LPP: variants seen among roughly 807,000 people sequenced by gnomAD.
LPP encodes the protein LIM domain containing preferred translocation partner in lipoma.
Under a neutral mutation model 60.4 loss-of-function variants are expected in LPP, and 38 were observed. That is an observed-to-expected ratio of 0.63 (90% CI 0.49 to 0.83). LPP has a LOEUF of 0.83. Among genes scored for constraint, LPP ranks in the 40% least tolerant of loss-of-function variants. The pLI, the probability that LPP is intolerant of heterozygous loss-of-function variation, is 0.00. For synonymous variants in LPP, 328 were observed against 290.8 expected (o/e 1.13, Z -1.30); for missense variants, 902 against 783.6 (o/e 1.15, Z -1.80).
At chr3:188,255,439 G>T (rs1731334207) in intron 2 of LPP, among the ~76,000 whole-genome samples, 1 of 152,100 alleles carries the variant, frequency 6.6e-6, no homozygotes, top group South Asian at 2.1e-4. Context: ...ATCATATCAA[G>T]GCATCACCTT....
In LPP at chr3:188,205,449, T is replaced by G. The variant is rs553703602; in HGVS notation, c.-189-19956T>G. On this transcript the variant is annotated intron_variant, in intron 1 of 11. Transcript: ENST00000617246. ...GGTGCACACCACCACACCCAGCTAA[T>G]TTTTGTATTTTTAGTAGAGACGGGG... Among the ~76,000 whole-genome samples the G allele has an allele frequency of 5.9e-5, 9 of 151,914 alleles. No homozygotes were observed. The South Asian group carries it at 1.3e-3, about 21-fold the overall frequency.
At chr3:188,421,689 T>C (rs1578768647) in intron 4 of LPP, among the ~76,000 whole-genome samples, 1 of 152,182 alleles carries the variant, frequency 6.6e-6, no homozygotes, top group Non-Finnish European at 1.5e-5. Flanking sequence ...TTATGGCAGC[T>C]TTTATATTGT....
In LPP at chr3:188,734,880, T is replaced by C. The variant is rs181745744; in HGVS notation, c.1241-25233T>C. ...GCATATGGTCAAGAGCCTGAGGGTA[T>C]TGAGCCCTTCTTGAAATTGGAGACA... On this transcript the variant is annotated intron_variant, in intron 8 of 11. Transcript: ENST00000617246. 5.3e-5 allele frequency among the ~76,000 whole-genome samples: 8 copies of C among 152,300 alleles called. No individual in the cohort carries two copies. The East Asian group carries it at 1.5e-3, about 29-fold the overall frequency.
At chr3:188,723,308 T>G (rs1180692087) in intron 8 of LPP, among the ~76,000 whole-genome samples, 1 of 152,204 alleles carries the variant, frequency 6.6e-6, no homozygotes, top group Non-Finnish European at 1.5e-5. Context: ...TCTGCAAGGC[T>G]GAGAGTTGCA....
chr3:188,368,991 C>T (rs1368546906), intron 3 of LPP, among the ~76,000 whole-genome samples: 3 of 152,116 alleles, frequency 2.0e-5, no homozygotes, highest in Non-Finnish European at 2.9e-5. Context: ...ATGGTGTTTA[C>T]AGTTATCGCC....
chr3:188,716,145 T>C (rs1713900228), intron 8 of LPP, among the ~76,000 whole-genome samples: 1 of 152,182 alleles, frequency 6.6e-6, no homozygotes, highest in African/African-American at 2.4e-5. Flanking sequence ...GTATTGTTAG[T>C]AGGAGTTTTT....
intron 4 of LPP, among the ~76,000 whole-genome samples, chr3:188,470,281 TAC>T (rs59656753): frequency 0.097 from 12,329 of 126,730 alleles, 557 homozygotes; most frequent in Non-Finnish European, 0.11. Context: ...CTCTCTCTCA[TAC>T]ACACACACAC....
In LPP at chr3:188,839,538, C is replaced by T. The variant is rs114236769; in HGVS notation, c.1411-26662C>T. Among the ~76,000 whole-genome samples the T allele has an allele frequency of 4.5e-3, 682 of 152,216 alleles. 12 individuals are homozygous for T. The highest frequency in any genetic ancestry group is 0.015 in the African/African-American group (608 of 41,534). ...ACAGCAAGGTGATAAGGCGCAGGGACGGACCATTGGATTGAGTCAGACAGG... is the reference window on the plus strand; with the variant it reads ...ACAGCAAGGTGATAAGGCGCAGGGATGGACCATTGGATTGAGTCAGACAGG... On this transcript the variant is annotated intron_variant, in intron 9 of 11. Transcript: ENST00000617246.
chr3:188,308,575 A>G (rs1320479581), intron 2 of LPP, among the ~76,000 whole-genome samples: 1 of 152,202 alleles, frequency 6.6e-6, no homozygotes, highest in South Asian at 2.1e-4. Context: ...AACCAACTCC[A>G]GTGTAAACAG....
intron 4 of LPP, among the ~76,000 whole-genome samples, chr3:188,441,587 G>A (rs1434308969): frequency 2.7e-5 from 3 of 109,144 alleles, no homozygotes. Context: ...ACTCATTACA[G>A]TTTCTTTTTT....
intron 2 of LPP, among the ~76,000 whole-genome samples, chr3:188,269,714 G>A (rs1388039980): frequency 2.7e-5 from 4 of 150,474 alleles, no homozygotes; most frequent in Non-Finnish European, 5.9e-5. Flanking sequence ...GCAGTGGTGC[G>A]ATCTCGGCTC....
At chr3:188,490,110 T>G (rs1362163783) in intron 5 of LPP, among the ~76,000 whole-genome samples, 1 of 152,208 alleles carries the variant, frequency 6.6e-6, no homozygotes, top group Non-Finnish European at 1.5e-5. Flanking sequence ...ATATTGGTTT[T>G]CTTTCCCCTT....
chr3:188,838,812 C>T (rs1358913531), intron 9 of LPP, among the ~76,000 whole-genome samples: 1 of 152,042 alleles, frequency 6.6e-6, no homozygotes, highest in Non-Finnish European at 1.5e-5. Flanking sequence ...ACAATGAAAA[C>T]ACATGGACAC....
At chr3:188,275,708 C>G (rs1739410887) in intron 2 of LPP, among the ~76,000 whole-genome samples, 1 of 150,966 alleles carries the variant, frequency 6.6e-6, no homozygotes, top group Non-Finnish European at 1.5e-5. Context: ...GAAACGGAGT[C>G]TCTGTTGCCC....
chr3:188,836,016 A>G (rs909180978), intron 9 of LPP, among the ~76,000 whole-genome samples: 1 of 152,222 alleles, frequency 6.6e-6, no homozygotes, highest in Non-Finnish European at 1.5e-5. Flanking sequence ...CAGGATTTAG[A>G]ACAAATGCAT....
At chr3:188,344,917 G>A (rs768918808) in intron 3 of LPP, among the ~76,000 whole-genome samples, 12 of 152,148 alleles carry the variant, frequency 7.9e-5, no homozygotes, top group South Asian at 2.1e-4. Context: ...TATTAAGACC[G>A]TTAGGAAGAG....
rs1276785744 is a variant in LPP at position 188,225,532 on chromosome 3, G to C, written c.-67+5G>C. 6.6e-6 allele frequency: 1 copy of C among 152,148 alleles called. No homozygotes were observed. The highest frequency in any genetic ancestry group is 1.5e-5 in the Non-Finnish European group (1 of 68,026). 9.4% of individuals were successfully genotyped at this position (152,148 alleles called of 1,614,324 possible). A position where few individuals can be genotyped will look rare whatever the true frequency, so the allele number is the denominator to read the frequency against. ...GAAGATCTTTTTCCTCAATTGGTGA[G>C]TCCCGCACACAAAAAGAACACATTT... On this transcript the variant is annotated splice_donor_5th_base_variant and intron_variant, in intron 2 of 11. Transcript: ENST00000617246.
intron 7 of LPP, among the ~76,000 whole-genome samples, chr3:188,673,612 G>C (rs1277760902): frequency 6.6e-6 from 1 of 152,086 alleles, no homozygotes; most frequent in Non-Finnish European, 1.5e-5. Context: ...CATTTAGCCA[G>C]TAGATCGTGA....
At chr3:188,569,194 C>T (rs1832924107) in intron 6 of LPP, 1 of 151,482 alleles carries the variant, frequency 6.6e-6, no homozygotes, top group African/African-American at 2.4e-5. Context: ...GGTGAGGGTT[C>T]GGAGAGCCGC....
Sources: allele counts gnomAD v4.1 joint callset (sites outside exome capture counted in the v4.1 genomes callset), GRCh38; gene constraint gnomAD v4.1.1; transcripts MANE v1.5; gene names NCBI Gene and HGNC (gene_info 2026-07-23, HGNC 2026-07-21).